Variants in ADCK1 observed in about 807,000 individuals in gnomAD.
ADCK1 encodes the protein aarF domain containing kinase 1.
A neutral mutation model predicts 52.3 loss-of-function variants in ADCK1; 41 were observed. The observed-to-expected ratio is 0.78, with a 90% confidence interval of 0.61 to 1.02. The LOEUF is 1.02. Ranked by LOEUF, ADCK1 falls within the 50% of genes least tolerant of loss-of-function variation. The pLI, the probability that ADCK1 is intolerant of heterozygous loss-of-function variation, is 0.00. For missense variants in ADCK1, 658 were observed against 679.5 expected (o/e 0.97, Z 0.35); for synonymous variants, 250 against 274.6 (o/e 0.91, Z 0.89).
intron 3 of ADCK1, among the ~76,000 whole-genome samples, chr14:77,839,228 T>C (rs2140084173): frequency 6.6e-6 from 1 of 152,214 alleles, no homozygotes; most frequent in Non-Finnish European, 1.5e-5. Context: ...GACTAGCAAG[T>C]GAAGGGCTGC....
Position 77,822,634 on chromosome 14 carries a change from G to A in ADCK1, c.219+116G>A, listed in dbSNP as rs2081607693. 38 of 872,934 alleles carry A rather than the reference G, an allele frequency of 4.4e-5. No individual in the cohort carries two copies. The South Asian group carries it at 5.6e-4, about 13-fold the overall frequency. The allele number at this position is 872,934 out of a possible 1,614,324, so 54.1% of individuals were successfully genotyped here. A position where few individuals can be genotyped will look rare whatever the true frequency, so the allele number is the denominator to read the frequency against. ...CAAAGTGCTGGGATTAAAGGCATGA[G>A]CCACTGTGCCCGGCCTAGGATTGGA... On this transcript the variant is annotated intron_variant, in intron 3 of 10. Transcript: ENST00000238561.
chr14:77,924,594 T>G lies in ADCK1; in HGVS notation c.996T>G (p.His332Gln). The change falls in exon 8 of 11, where the codon CAT becomes CAG. Residue 332 changes from histidine (H) to glutamine (Q), a missense_variant. Coordinates refer to ENST00000238561, the MANE Select transcript of ADCK1 (RefSeq NM_020421.4). ...AGGCGGAGATTGTCCTGTTGGACCA[T>G]GGGCTTTACCAGGTAGAAGAGGCCT... is the stretch of plus-strand genomic sequence containing the variant. ...TGKAEIVLLD[H>Q]GLYQMLTEEF... 2 of 1,613,288 alleles carry G rather than the reference T, an allele frequency of 1.2e-6. No homozygotes were observed. Among genetic ancestry groups the G allele is most frequent in the African/African-American group, 2.7e-5 (2 of 75,074 alleles).
chr14:77,834,211 C>G (rs1216418828), intron 3 of ADCK1, among the ~76,000 whole-genome samples: 3 of 152,106 alleles, frequency 2.0e-5, no homozygotes, highest in African/African-American at 7.2e-5. Context: ...TGGCTTTGTT[C>G]TAAGCAAAAA....
intron 4 of ADCK1, among the ~76,000 whole-genome samples, chr14:77,875,482 T>A (rs2082878925): frequency 8.4e-6 from 1 of 119,422 alleles, no homozygotes; most frequent in African/African-American, 3.0e-5. Flanking sequence ...CCCTGGTTTC[T>A]AGATATTAAA....
At position 77,885,683 on chromosome 14, in the gene ADCK1, G is replaced by A. The variant is rs76713553; in HGVS notation, c.424-1408G>A. 5.5e-3 allele frequency among the ~76,000 whole-genome samples: 844 copies of A among 152,294 alleles called. 6 individuals carry two copies. The highest frequency in any genetic ancestry group is 0.019 in the African/African-American group (803 of 41,572). ...AGCAGGGATAGAGGGAGGAAGGGCT[G>A]TGCAGACTGAATAGACTTCAAAGCA... is the stretch of plus-strand genomic sequence containing the variant. On this transcript the variant is annotated intron_variant, in intron 4 of 10. Transcript: ENST00000238561.
chr14:77,912,238 C>T (rs1462564095), intron 7 of ADCK1, among the ~76,000 whole-genome samples: 2 of 152,152 alleles, frequency 1.3e-5, no homozygotes, highest in Non-Finnish European at 2.9e-5. Context: ...CTTTGGCAGT[C>T]TGAGATGATG....
intron 5 of ADCK1, among the ~76,000 whole-genome samples, chr14:77,890,985 A>G (rs1457386652): frequency 6.6e-6 from 1 of 152,186 alleles, no homozygotes; most frequent in East Asian, 1.9e-4. Context: ...AATGAAGAAC[A>G]CAGGTGGAAA....
At chr14:77,888,851 C>T (rs1313147928) in intron 5 of ADCK1, among the ~76,000 whole-genome samples, 1 of 152,146 alleles carries the variant, frequency 6.6e-6, no homozygotes, top group Non-Finnish European at 1.5e-5. Context: ...AGTGCCCAAC[C>T]CTATATACGC....
intron 1 of ADCK1, among the ~76,000 whole-genome samples, chr14:77,800,687 G>A (rs887566262): frequency 1.2e-4 from 19 of 152,208 alleles, no homozygotes; most frequent in African/African-American, 4.6e-4. Flanking sequence ...CAGGGCCCTG[G>A]GCTTCCAGAT....
chr14:77,809,071 T>A (rs1257918758), intron 1 of ADCK1, among the ~76,000 whole-genome samples: 1 of 152,128 alleles, frequency 6.6e-6, no homozygotes, highest in East Asian at 1.9e-4. Context: ...TGTGGAGGTA[T>A]ATTTTGGGAG....
In ADCK1 at chr14:77,859,160, G is replaced by T. The variant is rs955893963; in HGVS notation, c.304G>T (p.Ala102Ser). ...TFIKVGQHLG[A>S]LDYLLPEEYT... The stretch of plus-strand genomic sequence containing the variant: ...CATCAAGGTGGGCCAGCACCTGGGG[G>T]CTCTGGACTACCTGTTGCCAGAGGA... Residue 102 changes from alanine to serine, a missense_variant, in exon 4 of 11, where the codon GCT becomes TCT. By Grantham distance (99) the Ala-to-Ser change is moderately conservative. Coordinates refer to ENST00000238561, the MANE Select transcript of ADCK1 (RefSeq NM_020421.4). 1 of 1,613,812 alleles carries T rather than the reference G, an allele frequency of 6.2e-7. No individual in the cohort carries two copies. Among genetic ancestry groups the T allele is most frequent in the East Asian group, 2.2e-5 (1 of 44,898 alleles).
rs1298714708 is a variant in ADCK1 at position 77,933,464 on chromosome 14, G to A, written c.*73G>A. On this transcript the variant is annotated 3_prime_UTR_variant, in exon 11 of 11. Transcript: ENST00000238561. ...CCCCTCATCTTGCCTCCACCCAGCT[G>A]CTCCATTTTTGCCACATCGTGGCCC... 6.3e-7 allele frequency: 1 copy of A among 1,582,962 alleles called. No individual in the cohort carries two copies. Among genetic ancestry groups the A allele is most frequent in the Admixed American group, 1.7e-5 (1 of 58,812 alleles).
chr14:77,907,406 T>C (rs147002619), intron 6 of ADCK1, among the ~76,000 whole-genome samples: 13 of 152,342 alleles, frequency 8.5e-5, no homozygotes, highest in Admixed American at 2.0e-4. Flanking sequence ...GGGTGAAATA[T>C]TGGAGGCAGA....
chr14:77,840,521 C>A (rs1329763637), intron 3 of ADCK1, among the ~76,000 whole-genome samples: 1 of 152,176 alleles, frequency 6.6e-6, no homozygotes, highest in South Asian at 2.1e-4. Flanking sequence ...CTGAGTAATT[C>A]TGGATAATCT....
intron 6 of ADCK1, among the ~76,000 whole-genome samples, chr14:77,901,070 A>G (rs1290748231): frequency 7.0e-6 from 1 of 143,218 alleles, no homozygotes; most frequent in African/African-American, 2.6e-5. Flanking sequence ...TTTGAGACAG[A>G]GTCTCGCTCT....
At chr14:77,856,780 G>A (rs1414750019) in intron 3 of ADCK1, among the ~76,000 whole-genome samples, 3 of 152,150 alleles carry the variant, frequency 2.0e-5, no homozygotes, top group African/African-American at 7.2e-5. Context: ...ACGGCGAGTG[G>A]ATTACTTGAG....
intron 7 of ADCK1, among the ~76,000 whole-genome samples, chr14:77,921,388 G>A (rs2084057583): frequency 1.4e-5 from 2 of 146,656 alleles, no homozygotes; most frequent in African/African-American, 5.0e-5. Context: ...ACAAACTGTG[G>A]TGTGCGTCTT....
intron 1 of ADCK1, among the ~76,000 whole-genome samples, chr14:77,816,881 A>AAAATATATATATATATATATATAT (rs150077207): frequency 1.2e-4 from 13 of 110,008 alleles, no homozygotes; most frequent in African/African-American, 3.5e-4. Context: ...GTAGATGGTA[A>AAAATATATATATATATATATATAT]ATATATATAT....
chr14:77,887,250 G>C lies in ADCK1; in HGVS notation c.582+1G>C. On this transcript the variant is annotated splice_donor_variant, in intron 5 of 10. Transcript: ENST00000238561. LOFTEE classifies it high-confidence loss of function. ...CTCGAAGGACATTCTCCTGATGGAG[G>C]TGAGAGCCCTCCCTTTCTCCTTCCT... 6.4e-7 allele frequency: 1 copy of C among 1,565,618 alleles called. No individual in the cohort carries two copies. Among genetic ancestry groups the C allele is most frequent in the South Asian group, 1.2e-5 (1 of 83,258 alleles).
Sources: gnomAD v4.1 joint callset for allele counts (sites outside exome capture counted in the v4.1 genomes callset) on GRCh38, gnomAD v4.1.1 for gene constraint, MANE v1.5 for transcripts, NCBI Gene and HGNC (gene_info 2026-07-23, HGNC 2026-07-21) for gene names.